Variants in UMOD observed in about 807,000 individuals in gnomAD.
UMOD encodes the protein Tamm-Horsfall urinary glycoprotein.
UMOD carries 64 observed loss-of-function variants against 66.0 expected under a neutral mutation model. That is an observed-to-expected ratio of 0.97 (90% CI 0.79 to 1.19). The LOEUF (loss-of-function observed/expected upper bound fraction) is 1.19. Ranked by LOEUF, UMOD falls within the 50% of genes most tolerant of loss-of-function variation. The pLI is 0.00. For missense variants in UMOD, 764 were observed against 850.9 expected, an observed-to-expected ratio of 0.90 and a Z score of 1.27; for synonymous variants, 398 against 352.7, an observed-to-expected ratio of 1.13 and a Z score of -1.44.
At chr16:20,344,600 CAAA>C (rs11310838) in intron 5 of UMOD, among the ~76,000 whole-genome samples, 10 of 126,420 alleles carry the variant, frequency 7.9e-5, no homozygotes, top group Non-Finnish European at 1.2e-4. Flanking sequence ...GATTCCATCT[CAAA>C]AAAAAAAAAA....
chr16:20,333,258 C>T lies in UMOD; in HGVS notation c.*56G>A. The T allele has an allele frequency of 6.4e-7, 1 of 1,563,992 alleles. No homozygotes were observed. Among genetic ancestry groups the T allele is most frequent in the South Asian group, 1.1e-5 (1 of 88,190 alleles). On this transcript the variant is annotated 3_prime_UTR_variant, in exon 11 of 11. Coordinates refer to ENST00000396138, the MANE Select transcript of UMOD (RefSeq NM_003361.4). ...TGGAGCACTGGCCCGCATCATGCCC[C>T]CTGCCCAGCAGGAGGTGAGATGGCA...
At chr16:20,349,664 TA>T in intron 2 of UMOD, 1 of 1,304,988 alleles carries the variant, frequency 7.7e-7, no homozygotes, top group Non-Finnish European at 1.0e-6. Flanking sequence ...TGTCTTCTTT[TA>T]AAATAGCCAC....
intron 5 of UMOD, 73 bp from the exon 6 acceptor site, chr16:20,344,245 A>G (rs1965410697): frequency 2.1e-6 from 3 of 1,454,334 alleles, no homozygotes; most frequent in Non-Finnish European, 2.9e-6. Flanking sequence ...GTAGGACTTC[A>G]AAGCTAAATC....
chr16:20,346,742 A>G (rs1965605838), intron 4 of UMOD, among the ~76,000 whole-genome samples: 1 of 152,230 alleles, frequency 6.6e-6, no homozygotes, highest in Non-Finnish European at 1.5e-5. Flanking sequence ...TTCCTTGTCT[A>G]TAAAATGAGA....
chr16:20,352,020 C>G lies in UMOD; in HGVS notation c.-103+669G>C, dbSNP rs372055120. Reference sequence around the variant, plus strand: ...GTGACAGAGAGTCCATCCCCCCCCCCCAAAAAAAAAAAGACAGAAAGAAAG... The same window carrying G: ...GTGACAGAGAGTCCATCCCCCCCCCGCAAAAAAAAAAAGACAGAAAGAAAG... On this transcript the variant is annotated intron_variant, in intron 1 of 10. Transcript: ENST00000396138. Among the ~76,000 whole-genome samples, 8 of 140,302 alleles carry G rather than the reference C, an allele frequency of 5.7e-5. No individual in the cohort carries two copies. The East Asian group carries it at 6.1e-4, about 11-fold the overall frequency. 92.0% of individuals were successfully genotyped at this position (140,302 alleles called of 152,430 possible). A position where few individuals can be genotyped will look rare whatever the true frequency, so the allele number is the denominator to read the frequency against.
chr16:20,335,428 G>GC (rs1394887949), intron 10 of UMOD, 54 bp downstream of exon 10: 3 of 1,568,026 alleles, frequency 1.9e-6, no homozygotes, highest in Admixed American at 1.7e-5. Flanking sequence ...ACAGATAGAA[G>GC]CCCCCCAGGA....
chr16:20,334,056 C>T (rs912627654), intron 10 of UMOD, among the ~76,000 whole-genome samples: 10 of 118,188 alleles, frequency 8.5e-5, no homozygotes, highest in Non-Finnish European at 1.7e-5. Flanking sequence ...AAAAAAAAAG[C>T]CAAGTTAGTG....
intron 10 of UMOD, 30 bp downstream of exon 10, chr16:20,335,452 G>T (rs1392670241): frequency 1.2e-6 from 2 of 1,612,304 alleles, no homozygotes; most frequent in South Asian, 1.1e-5. Flanking sequence ...TTCTGGAACA[G>T]GTCCCACTGC....
At chr16:20,346,377 TG>T (rs769533981) in intron 4 of UMOD, 43 bp from the exon 5 acceptor site, 2 of 1,607,794 alleles carry the variant, frequency 1.2e-6, no homozygotes, top group Non-Finnish European at 8.5e-7. Flanking sequence ...GTCTATAGCT[TG>T]GGGGCCCAGC....
At position 20,348,561 on chromosome 16, in the gene UMOD, G is replaced by A. The variant is rs1468407999; in HGVS notation, c.740C>T (p.Ala247Val). 1 of 1,598,428 alleles carries A rather than the reference G, an allele frequency of 6.3e-7. No homozygotes were observed. The highest frequency in any genetic ancestry group is 1.7e-5 in the Admixed American group (1 of 58,784). The change falls in exon 3 of 11, where the codon GCC becomes GTC. Residue 247 changes from alanine to valine, a missense_variant. Coordinates refer to ENST00000396138, the MANE Select transcript of UMOD (RefSeq NM_003361.4). ...SSDEGIVSRK[A>V]CAHWSGHCCL... ...GCAGTGGCCGCTCCAGTGCGCGCAG[G>A]CCTTGCGGCTCACGATGCCCTCGTC...
intron 2 of UMOD, chr16:20,349,606 G>A: frequency 5.7e-6 from 8 of 1,391,934 alleles, no homozygotes; most frequent in Non-Finnish European, 6.6e-6. Flanking sequence ...ACGTGCAATC[G>A]CGCCCAGCTC....
intron 5 of UMOD, 131 bp downstream of exon 5, chr16:20,345,995 C>T (rs1567307037): frequency 1.3e-6 from 1 of 785,772 alleles, no homozygotes; most frequent in Non-Finnish European, 2.1e-6. Flanking sequence ...TATTTCTCCA[C>T]TTTACAGTTG....
Position 20,346,279 on chromosome 16 carries a change from C to G in UMOD, c.1029G>C (p.Ser343=), listed in dbSNP as rs375846119. ...GACTCTTCAGCTGGCACTTGCCCAGCGACACCTTCATGTCATTGGCCCCAC... is the reference window on the plus strand; with the variant it reads ...GACTCTTCAGCTGGCACTTGCCCAGGGACACCTTCATGTCATTGGCCCCAC... The part of the protein sequence containing the change: ...LECGANDMKV[S]LGKCQLKSLG... Residue 343 remains serine (S), a synonymous_variant, in exon 5 of 11, where the codon TCG becomes TCC. Transcript: ENST00000396138. 6.2e-7 allele frequency: 1 copy of G among 1,614,258 alleles called. No individual in the cohort carries two copies. The highest frequency in any genetic ancestry group is 8.5e-7 in the Non-Finnish European group (1 of 1,180,054).
At position 20,350,813 on chromosome 16, in the gene UMOD, TTCTC is replaced by T. The variant is rs1053039202; in HGVS notation, c.-80_-77del. On this transcript the variant is annotated 5_prime_UTR_variant, in exon 2 of 11. Coordinates refer to ENST00000396138, the MANE Select transcript of UMOD (RefSeq NM_003361.4). ...AAAGACGGGTTGGCCCTTTGAATTT[TTCTC>T]TCTGTCTCTGATGTCTGGTGTCCTG... is the stretch of plus-strand genomic sequence containing the variant. 1 of 1,598,210 alleles carries T rather than the reference TTCTC, an allele frequency of 6.3e-7. No individual in the cohort carries two copies. Among genetic ancestry groups the T allele is most frequent in the African/African-American group, 1.3e-5 (1 of 74,800 alleles).
chr16:20,346,467 C>A, intron 4 of UMOD, 133 bp from the exon 5 acceptor site: 1 of 862,096 alleles, frequency 1.2e-6, no homozygotes, highest in Non-Finnish European at 1.9e-6. Context: ...GCTGATCTGT[C>A]CCCTCCCAAT....
At chr16:20,340,233 A>C (rs1965115644) in intron 7 of UMOD, among the ~76,000 whole-genome samples, 1 of 152,132 alleles carries the variant, frequency 6.6e-6, no homozygotes, top group South Asian at 2.1e-4. Flanking sequence ...CTAGCTGTGT[A>C]TGGTGGTGTG....
At chr16:20,342,916 G>C (rs2141653512) in intron 6 of UMOD, among the ~76,000 whole-genome samples, 1 of 152,166 alleles carries the variant, frequency 6.6e-6, no homozygotes, top group East Asian at 1.9e-4. Flanking sequence ...GATTGCCTGA[G>C]GTCAGGAGTT....
rs1232376868 is a variant in UMOD at position 20,349,199 on chromosome 16, T to G, written c.102A>C (p.Glu34Asp). 2 of 1,613,412 alleles carry G rather than the reference T, an allele frequency of 1.2e-6. No homozygotes were observed. Among genetic ancestry groups the G allele is most frequent in the African/African-American group, 2.7e-5 (2 of 74,926 alleles). ...TDTSEARWCSECHSNATCTED... is the reference protein window; with the variant it reads ...TDTSEARWCSDCHSNATCTED... Reference sequence around the variant, plus strand: ...CCGTGCAGGTGGCATTGCTGTGACATTCAGAGCACCATCCTGTGGACAGAA... The same window carrying G: ...CCGTGCAGGTGGCATTGCTGTGACAGTCAGAGCACCATCCTGTGGACAGAA... The change falls in exon 3 of 11, where the codon GAA (glutamate) becomes GAC (aspartate). Residue 34 changes from glutamate (E) to aspartate (D), a missense_variant. By Grantham distance (45) the Glu-to-Asp change is conservative. Transcript: ENST00000396138.
chr16:20,354,269 A>G (rs1353098531), upstream of UMOD, among the ~76,000 whole-genome samples: 1 of 152,132 alleles, frequency 6.6e-6, no homozygotes, highest in Non-Finnish European at 1.5e-5. Flanking sequence ...TGGTGTTGTC[A>G]TCTCCTCAGG....
Sources: allele counts gnomAD v4.1 joint callset (sites outside exome capture counted in the v4.1 genomes callset), GRCh38; gene constraint gnomAD v4.1.1; transcripts MANE v1.5; gene names NCBI Gene and HGNC (gene_info 2026-07-23, HGNC 2026-07-21).